Variants in TMEM86B observed in about 807,000 individuals in gnomAD.
The protein encoded by TMEM86B is lysoplasmalogenase TMEM86B.
In TMEM86B, 15 loss-of-function variants were observed where a neutral mutation model predicts 12.3. The observed-to-expected ratio is 1.22, with a 90% CI of 0.81 to 1.87. The LOEUF is 1.87. Ranked by LOEUF, TMEM86B falls within the 40% of genes most tolerant of loss-of-function variation. TMEM86B has a pLI of 0.00. For synonymous variants in TMEM86B, 173 were observed against 140.3 expected, an observed-to-expected ratio of 1.23 and a Z score of -1.65; for missense variants, 328 against 297.4, an observed-to-expected ratio of 1.10 and a Z score of -0.76.
Position 55,227,086 on chromosome 19 carries a change from C to T in TMEM86B, c.*95G>A, listed in dbSNP as rs565586815. 2.2e-5 allele frequency: 29 copies of T among 1,307,688 alleles called. No homozygotes were observed. The Admixed American group carries it at 5.7e-4, about 25-fold the overall frequency. The allele number at this position is 1,307,688 out of a possible 1,614,324, so 81.0% of individuals were successfully genotyped here. ...CCTGCAGACAGGCGTCAGGAAGCTT[C>T]GCTGCTGAGGGTATTTCTCAGGCTG... On this transcript the variant is annotated 3_prime_UTR_variant, in exon 3 of 3. Coordinates refer to ENST00000327042, the MANE Select transcript of TMEM86B (RefSeq NM_173804.5).
rs1475317370 is a variant in TMEM86B, at chr19:55,227,045, G to A, written c.*136C>T. 5.7e-6 allele frequency: 6 copies of A among 1,051,690 alleles called. No homozygotes were observed. The highest frequency in any genetic ancestry group is 1.6e-5 in the African/African-American group (1 of 61,144). The allele number at this position is 1,051,690 out of a possible 1,614,324, so 65.1% of individuals were successfully genotyped here. Reference sequence around the variant, plus strand: ...TCCTCAAACGTCTTCAGCCAGAAGCGACGGCGGCAGCGGCGCCTGCAGACA... The same window carrying A: ...TCCTCAAACGTCTTCAGCCAGAAGCAACGGCGGCAGCGGCGCCTGCAGACA... On this transcript the variant is annotated 3_prime_UTR_variant, in exon 3 of 3. Coordinates refer to ENST00000327042, the MANE Select transcript of TMEM86B (RefSeq NM_173804.5).
chr19:55,227,901 C>G lies in TMEM86B; in HGVS notation c.298+290G>C, dbSNP rs1485637658. ...TCCACACAGGCATACAGCCCTTCAG[C>G]TCTGCCCAAATGTGACTTCCTCAGT... On this transcript the variant is annotated intron_variant, in intron 2 of 2. Coordinates refer to ENST00000327042, the MANE Select transcript of TMEM86B (RefSeq NM_173804.5). The G allele has an allele frequency of 8.1e-6, 5 of 613,772 alleles. No individual in the cohort carries two copies. In the Admixed American group the frequency reaches 1.2e-4, roughly 15 times the overall value. 38.0% of individuals were successfully genotyped at this position (613,772 alleles called of 1,614,324 possible).
intron 2 of TMEM86B, chr19:55,227,845 C>T (rs967172449): frequency 6.8e-6 from 4 of 591,754 alleles, no homozygotes; most frequent in Non-Finnish European, 1.2e-5. Context: ...CTGACACGTC[C>T]CTGCCCCGGA....
At position 55,226,710 on chromosome 19, in the gene TMEM86B, A is replaced by C; in HGVS notation, c.*471T>G. On this transcript the variant is annotated 3_prime_UTR_variant, in exon 3 of 3. Transcript: ENST00000327042. ...AGGGCCATGGAGGGTCCCACTGGGC[A>C]CCAGGCCTGGTCCATGGGGAGCGAC... is the stretch of plus-strand genomic sequence containing the variant. The C allele has an allele frequency of 6.5e-6, 1 of 154,698 alleles. No homozygotes were observed. Among genetic ancestry groups the C allele is most frequent in the Non-Finnish European group, 1.4e-5 (1 of 69,852 alleles). The allele number at this position is 154,698 out of a possible 1,614,324, so 9.6% of individuals were successfully genotyped here.
intron 1 of TMEM86B, 78 bp downstream of exon 1, chr19:55,228,613 C>T: frequency 6.5e-7 from 1 of 1,543,906 alleles, no homozygotes; most frequent in Non-Finnish European, 8.8e-7. Context: ...TCAAGGACAG[C>T]AGCTCCCAGA....
intron 2 of TMEM86B, 162 bp downstream of exon 2, chr19:55,228,029 C>G (rs1369774925): frequency 1.6e-6 from 2 of 1,261,678 alleles, no homozygotes. Flanking sequence ...CCTGCCCCCA[C>G]CCCTCGCTGG....
In TMEM86B at chr19:55,228,419, A is replaced by C. The variant is rs1600100134; in HGVS notation, c.70T>G (p.Trp24Gly). The change falls in exon 2 of 3, where the codon TGG (tryptophan) becomes GGG (glycine). Residue 24 changes from tryptophan (W) to glycine (G), a missense_variant. Coordinates refer to ENST00000327042, the MANE Select transcript of TMEM86B (RefSeq NM_173804.5). ...CAGGAGAGGATGAAGGGGCTCAGCC[A>C]CCTGCAGACATCTGGGCGCTTTGGG... The part of the protein sequence containing the change: ...CSAQRPDVCR[W>G]LSPFILSCCV... The C allele has an allele frequency of 6.2e-7, 1 of 1,612,746 alleles. No homozygotes were observed. The highest frequency in any genetic ancestry group is 8.5e-7 in the Non-Finnish European group (1 of 1,179,990).
chr19:55,226,807 G>T lies in TMEM86B; in HGVS notation c.*374C>A. On this transcript the variant is annotated 3_prime_UTR_variant, in exon 3 of 3. Transcript: ENST00000327042. ...GACCCTCCCCGAGGCCTCTCCTACG[G>T]TAACAGCAACATCTACGGTTCCACA... The T allele has an allele frequency of 4.9e-6, 1 of 205,292 alleles. No individual in the cohort carries two copies. The highest frequency in any genetic ancestry group is 9.7e-6 in the Non-Finnish European group (1 of 102,988). 12.7% of individuals were successfully genotyped at this position (205,292 alleles called of 1,614,324 possible). A position where few individuals can be genotyped will look rare whatever the true frequency, so the allele number is the denominator to read the frequency against.
Position 55,227,857 on chromosome 19 carries a change from C to G in TMEM86B, c.299-294G>C, listed in dbSNP as rs80018288. ...CACCTGACACGTCCCTGCCCCGGAG[C>G]CTTTACACTCGCCCTTCCTCCACAC... On this transcript the variant is annotated intron_variant, in intron 2 of 2. Coordinates refer to ENST00000327042, the MANE Select transcript of TMEM86B (RefSeq NM_173804.5). 5 of 589,066 alleles carry G rather than the reference C, an allele frequency of 8.5e-6. No homozygotes were observed. In the East Asian group the frequency reaches 8.6e-5, roughly 10 times the overall value. 36.5% of individuals were successfully genotyped at this position (589,066 alleles called of 1,614,324 possible).
Position 55,226,844 on chromosome 19 carries a change from A to C in TMEM86B, c.*337T>G. 3.8e-6 allele frequency: 1 copy of C among 263,156 alleles called. No homozygotes were observed. The allele number at this position is 263,156 out of a possible 1,614,324, so 16.3% of individuals were successfully genotyped here. A position where few individuals can be genotyped will look rare whatever the true frequency, so the allele number is the denominator to read the frequency against. On this transcript the variant is annotated 3_prime_UTR_variant, in exon 3 of 3. Coordinates refer to ENST00000327042, the MANE Select transcript of TMEM86B (RefSeq NM_173804.5). Reference sequence around the variant, plus strand: ...TCTACGGTTCCACACCCACAGGGAAAACGGATTCAGAGCAGCAGCAGGGGG... The same window carrying C: ...TCTACGGTTCCACACCCACAGGGAACACGGATTCAGAGCAGCAGCAGGGGG...
chr19:55,227,479 A>G lies in TMEM86B; in HGVS notation c.383T>C (p.Ile128Thr). 1 of 1,553,814 alleles carries G rather than the reference A, an allele frequency of 6.4e-7. No individual in the cohort carries two copies. The highest frequency in any genetic ancestry group is 8.7e-7 in the Non-Finnish European group (1 of 1,148,292). Residue 128 changes from isoleucine (I) to threonine (T), a missense_variant, in exon 3 of 3, where the codon ATC (isoleucine) becomes ACC (threonine). Coordinates refer to ENST00000327042, the MANE Select transcript of TMEM86B (RefSeq NM_173804.5). ...GAGGTAGGGGCCAGGGGCCAGGATG[A>G]TGAGCAGCAGCAGGCCGGGCTGCAG... ...SPLQPGLLLL[I>T]ILAPGPYLSL...
intron 2 of TMEM86B, 200 bp from the exon 3 acceptor site, chr19:55,227,763 TC>T: frequency 4.0e-6 from 3 of 748,014 alleles, no homozygotes; most frequent in Non-Finnish European, 4.1e-6. Context: ...TCCCTTGGCC[TC>T]CAAAGCCCCA....
At position 55,227,059 on chromosome 19, in the gene TMEM86B, C is replaced by T. The variant is rs1024496736; in HGVS notation, c.*122G>A. 70 of 1,175,038 alleles carry T rather than the reference C, an allele frequency of 6.0e-5. No homozygotes were observed. Among genetic ancestry groups the T allele is most frequent in the African/African-American group, 7.9e-5 (5 of 63,366 alleles). The allele number at this position is 1,175,038 out of a possible 1,614,324, so 72.8% of individuals were successfully genotyped here. A position where few individuals can be genotyped will look rare whatever the true frequency, so the allele number is the denominator to read the frequency against. Reference sequence around the variant, plus strand: ...CAGCCAGAAGCGACGGCGGCAGCGGCGCCTGCAGACAGGCGTCAGGAAGCT... The same window carrying T: ...CAGCCAGAAGCGACGGCGGCAGCGGTGCCTGCAGACAGGCGTCAGGAAGCT... On this transcript the variant is annotated 3_prime_UTR_variant, in exon 3 of 3. Transcript: ENST00000327042.
At position 55,227,392 on chromosome 19, in the gene TMEM86B, A is replaced by T. The variant is rs780757219; in HGVS notation, c.470T>A (p.Ile157Asn). 1.9e-6 allele frequency: 3 copies of T among 1,591,198 alleles called. No homozygotes were observed. Among genetic ancestry groups the T allele is most frequent in the Non-Finnish European group, 1.7e-6 (2 of 1,168,964 alleles). Residue 157 changes from isoleucine to asparagine, a missense_variant, in exon 3 of 3, where the codon ATC becomes AAC. By Grantham distance (149) the Ile-to-Asn change is moderately radical (BLOSUM62 -3). Coordinates refer to ENST00000327042, the MANE Select transcript of TMEM86B (RefSeq NM_173804.5). ...MVLPVAAYGL[I>N]LMAMLWRGLA... ...GCCGCGCCACAGCATGGCCATCAGG[A>T]TCAGCCCATAGGCTGCCACCGGCAG...
intron 2 of TMEM86B, 154 bp from the exon 3 acceptor site, chr19:55,227,717 C>T: frequency 1.9e-6 from 2 of 1,043,770 alleles, no homozygotes; most frequent in Non-Finnish European, 2.7e-6. Flanking sequence ...CAGTGTCCAT[C>T]CTTGCTCTGC....
chr19:55,227,841 C>T (rs540847254), intron 2 of TMEM86B: 11 of 590,128 alleles, frequency 1.9e-5, no homozygotes, highest in Admixed American at 1.3e-4. Context: ...GCACCTGACA[C>T]GTCCCTGCCC....
chr19:55,227,849 C>A (rs981265501), intron 2 of TMEM86B: 14 of 590,832 alleles, frequency 2.4e-5, no homozygotes, highest in Admixed American at 6.5e-5. Flanking sequence ...CACGTCCCTG[C>A]CCCGGAGCCT....
At chr19:55,227,932 C>A in intron 2 of TMEM86B, 1 of 655,848 alleles carries the variant, frequency 1.5e-6, no homozygotes. Context: ...TCAGTGAGGC[C>A]TTCCTCAGCA....
Position 55,228,246 on chromosome 19 carries a change from A to G in TMEM86B, c.243T>C (p.Leu81=). 1 of 1,612,592 alleles carries G rather than the reference A, an allele frequency of 6.2e-7. No homozygotes were observed. Among genetic ancestry groups the G allele is most frequent in the Non-Finnish European group, 8.5e-7 (1 of 1,179,638 alleles). Reference sequence around the variant, plus strand: ...AAGCGTCCCCCACAGCCGAGCACACAAGGGCTCCCTGGAGGAGCTGGGTGT... The same window carrying G: ...AAGCGTCCCCCACAGCCGAGCACACGAGGGCTCCCTGGAGGAGCTGGGTGT... ...GGYTQLLQGA[L]VCSAVGDACL... is the part of the protein sequence containing the mutation. Residue 81 remains leucine, a synonymous_variant, in exon 2 of 3, where the codon CTT becomes CTC. Coordinates refer to ENST00000327042, the MANE Select transcript of TMEM86B (RefSeq NM_173804.5).
Sources: allele counts gnomAD v4.1 joint callset, GRCh38; gene constraint gnomAD v4.1.1; transcripts MANE v1.5; gene names NCBI Gene and HGNC (gene_info 2026-07-23, HGNC 2026-07-21).